The following CD300LF variants were observed in gnomAD, a reference collection of about 807,000 sequenced individuals.
The protein encoded by CD300LF is CD300 molecule like family member f.
Under a neutral mutation model 32.2 loss-of-function variants are expected in CD300LF, and 27 were observed. That is an observed-to-expected ratio of 0.84 (90% CI 0.62 to 1.15). The LOEUF (loss-of-function observed/expected upper bound fraction) is 1.15. Among genes scored for constraint, CD300LF ranks in the 50% most tolerant of loss-of-function variants. The probability of loss-of-function intolerance (pLI) is 0.00; values close to 1 mark genes in which losing one functional copy is unlikely to be tolerated. For synonymous variants in CD300LF, 139 were observed against 143.2 expected, an observed-to-expected ratio of 0.97 and a Z score of 0.21; for missense variants, 348 against 356.8, an observed-to-expected ratio of 0.98 and a Z score of 0.20.
chr17:74,707,878 GA>G (rs1034971912), intron 1 of CD300LF, among the ~76,000 whole-genome samples: 2 of 151,944 alleles, frequency 1.3e-5, no homozygotes, highest in African/African-American at 4.8e-5. Context: ...CAAATTCCTA[GA>G]AAAAAATTAT....
rs2033211293 is a variant in CD300LF, at chr17:74,703,101, G to A, written c.383-3C>T. 3.1e-6 allele frequency: 5 copies of A among 1,614,006 alleles called. No individual in the cohort carries two copies. The highest frequency in any genetic ancestry group is 4.2e-6 in the Non-Finnish European group (5 of 1,179,936). ...AGTTTCTTCTTGGGTGACTGGTGCT[G>A]TAAACGTAGTGGAGGTAGGCGTGGT... is the stretch of plus-strand genomic sequence containing the variant. On this transcript the variant is annotated splice_polypyrimidine_tract_variant and splice_region_variant and intron_variant, in intron 2 of 6. Transcript: ENST00000326165.
At position 74,698,382 on chromosome 17, in the gene CD300LF, C is replaced by A; in HGVS notation, c.546G>T (p.Lys182Asn). Residue 182 changes from lysine to asparagine, a missense_variant, in exon 4 of 7, where the codon AAG (lysine) becomes AAT (asparagine). Lys to Asn is a moderately conservative substitution (Grantham distance 94). Coordinates refer to ENST00000326165, the MANE Select transcript of CD300LF (RefSeq NM_139018.5). ...AASLLAWRMM[K>N]YQQKAAGMSP... ...AGGTCCTCTCACCTTTCTGCTGGTA[C>A]TTCATCATCCTCCAAGCCAAGAGTG... is the stretch of plus-strand genomic sequence containing the variant. 1 of 1,612,904 alleles carries A rather than the reference C, an allele frequency of 6.2e-7. No homozygotes were observed. The highest frequency in any genetic ancestry group is 1.1e-5 in the South Asian group (1 of 91,034).
intron 1 of CD300LF, among the ~76,000 whole-genome samples, chr17:74,710,064 C>T (rs1459775501): frequency 6.6e-6 from 1 of 152,066 alleles, no homozygotes; most frequent in Non-Finnish European, 1.5e-5. Flanking sequence ...CTGCAAGTTC[C>T]GCCTCCCGGG....
intron 1 of CD300LF, among the ~76,000 whole-genome samples, chr17:74,707,301 A>C (rs1262823751): frequency 2.0e-5 from 3 of 152,244 alleles, no homozygotes; most frequent in Admixed American, 2.0e-4. Context: ...GAAAACAAAT[A>C]ATCTAATTAA....
At chr17:74,703,690 A>G (rs2143756151) in intron 2 of CD300LF, among the ~76,000 whole-genome samples, 2 of 152,318 alleles carry the variant, frequency 1.3e-5, no homozygotes, top group Middle Eastern at 3.4e-3. Flanking sequence ...TTTGCAAACT[A>G]GAATATGCCC....
Position 74,695,832 on chromosome 17 carries a change from A to T in CD300LF, c.610T>A (p.Cys204Ser). ...QVLQPLEGDL[C>S]YADLTLQLAG... ...AGCTGCAGGGTCAGGTCTGCATAGC[A>T]GAGGTCGCCCTCCAGGGGCTGCAGT... Residue 204 changes from cysteine to serine, a missense_variant, in exon 6 of 7, where the codon TGC (cysteine) becomes AGC (serine). By Grantham distance (112) the Cys-to-Ser change is moderately radical. Transcript: ENST00000326165. 1 of 1,614,096 alleles carries T rather than the reference A, an allele frequency of 6.2e-7. No individual in the cohort carries two copies.
intron 1 of CD300LF, among the ~76,000 whole-genome samples, chr17:74,710,093 C>T (rs1450948086): frequency 6.6e-6 from 1 of 152,150 alleles, no homozygotes; most frequent in Non-Finnish European, 1.5e-5. Context: ...ATTCTCCTGC[C>T]TCAGCCTCCT....
chr17:74,696,413 C>T (rs1489901264), intron 4 of CD300LF, among the ~76,000 whole-genome samples, 196 bp from the exon 5 acceptor site: 1 of 152,220 alleles, frequency 6.6e-6, no homozygotes, highest in Non-Finnish European at 1.5e-5. Flanking sequence ...TGACCTTTCA[C>T]TTCTCCACCA....
In CD300LF at chr17:74,705,431, C is replaced by A. The variant is rs1287811990; in HGVS notation, c.44-615G>T. 7.9e-6 allele frequency: 4 copies of A among 509,092 alleles called. No individual in the cohort carries two copies. In the East Asian group the frequency reaches 1.2e-4, roughly 15 times the overall value. The allele number at this position is 509,092 out of a possible 1,614,324, so 31.5% of individuals were successfully genotyped here. ...CTTTCTTTAATGAATTGCTTTGACC[C>A]CTTTGTCAAATTGCAAATTTGTGGA... On this transcript the variant is annotated intron_variant, in intron 1 of 6. Coordinates refer to ENST00000326165, the MANE Select transcript of CD300LF (RefSeq NM_139018.5).
Position 74,694,953 on chromosome 17 carries a change from C to G in CD300LF, c.*143G>C, listed in dbSNP as rs950800418. 1.1e-6 allele frequency: 1 copy of G among 940,444 alleles called. No individual in the cohort carries two copies. The highest frequency in any genetic ancestry group is 1.6e-6 in the Non-Finnish European group (1 of 638,584). The allele number at this position is 940,444 out of a possible 1,614,324, so 58.3% of individuals were successfully genotyped here. ...CCCTGAGACTTGGCCCCAAGCCCAA[C>G]CCAGAGCTAGGGGCAATGCTGGCTG... On this transcript the variant is annotated 3_prime_UTR_variant, in exon 7 of 7. Transcript: ENST00000326165.
At chr17:74,702,869 C>T (rs2033181463) in intron 3 of CD300LF, among the ~76,000 whole-genome samples, 166 bp downstream of exon 3, 2 of 152,224 alleles carry the variant, frequency 1.3e-5, no homozygotes, top group Non-Finnish European at 2.9e-5. Context: ...ACTGAAAGGA[C>T]ACCATGTGGC....
intron 1 of CD300LF, among the ~76,000 whole-genome samples, chr17:74,711,622 AG>A (rs2143942205): frequency 6.6e-6 from 1 of 152,260 alleles, no homozygotes; most frequent in African/African-American, 2.4e-5. Flanking sequence ...AGACGTGCCC[AG>A]TCCAAGCTCA....
chr17:74,706,775 C>T (rs1037170), intron 1 of CD300LF, among the ~76,000 whole-genome samples: 81,777 of 152,104 alleles, frequency 0.54, 26,616 homozygotes, highest in Middle Eastern at 0.78. Flanking sequence ...GTGAGGACCA[C>T]GGCAGCCTGG....
rs2032716979 is a variant in CD300LF, at chr17:74,698,400, C to G, written c.528G>C (p.Leu176Phe). The change falls in exon 4 of 7, where the codon TTG (leucine) becomes TTC (phenylalanine). Residue 176 changes from leucine to phenylalanine, a missense_variant. Leu to Phe is a conservative substitution (Grantham distance 22, BLOSUM62 0). Transcript: ENST00000326165. ...LLLLLVAASL[L>F]AWRMMKYQQK... ...GCTGGTACTTCATCATCCTCCAAGC[C>G]AAGAGTGAGGCGGCCACCAAAAGCA... The G allele has an allele frequency of 5.6e-6, 9 of 1,613,952 alleles. No homozygotes were observed. The highest frequency in any genetic ancestry group is 7.6e-6 in the Non-Finnish European group (9 of 1,179,950).
At chr17:74,697,549 C>T (rs80338077) in intron 4 of CD300LF, among the ~76,000 whole-genome samples, 8,268 of 152,246 alleles carry the variant, frequency 0.054, 453 homozygotes, top group African/African-American at 0.13. Context: ...CGAAAGATTT[C>T]CCAGGCTGTG....
At chr17:74,712,554 C>T (rs996587466) in intron 1 of CD300LF, among the ~76,000 whole-genome samples, 4 of 152,246 alleles carry the variant, frequency 2.6e-5, no homozygotes, top group African/African-American at 9.6e-5. Context: ...CTCTGCTTTT[C>T]CCTGGCCGGC....
chr17:74,702,346 A>G (rs1199353929), intron 3 of CD300LF, among the ~76,000 whole-genome samples: 1 of 152,170 alleles, frequency 6.6e-6, no homozygotes, highest in Non-Finnish European at 1.5e-5. Flanking sequence ...AAGCTCCAGC[A>G]CCACCCTTCA....
chr17:74,695,108 G>A lies in CD300LF; in HGVS notation c.861C>T (p.Ile287=). The change falls in exon 7 of 7, where the codon ATC becomes ATT. Residue 287 remains isoleucine, a synonymous_variant. Transcript: ENST00000326165. The part of the protein sequence containing the change: ...GPEEPTEYST[I]SRP ...CCTGGAGTGCAGGCTAAGGCCTGCT[G>A]ATGGTGCTGTATTCCGTGGGCTCCT... 1 of 1,613,818 alleles carries A rather than the reference G, an allele frequency of 6.2e-7. No homozygotes were observed. Among genetic ancestry groups the A allele is most frequent in the Non-Finnish European group, 8.5e-7 (1 of 1,179,850 alleles).
chr17:74,699,546 A>G (rs957367033), intron 3 of CD300LF, among the ~76,000 whole-genome samples: 1 of 152,162 alleles, frequency 6.6e-6, no homozygotes, highest in African/African-American at 2.4e-5. Flanking sequence ...CGACAGAGAC[A>G]GGGATCAGAG....
Sources: allele counts gnomAD v4.1 joint callset (sites outside exome capture counted in the v4.1 genomes callset), GRCh38; gene constraint gnomAD v4.1.1; transcripts MANE v1.5; gene names NCBI Gene and HGNC (gene_info 2026-07-23, HGNC 2026-07-21).